The following EFHC2 variants were observed in gnomAD, a reference collection of about 807,000 sequenced individuals.
EFHC2 encodes the protein EF-hand domain-containing family member C2.
A neutral mutation model predicts 52.7 loss-of-function variants in EFHC2; 18 were observed. That is an observed-to-expected ratio of 0.34 (90% CI 0.24 to 0.51). EFHC2 has a LOEUF of 0.51. EFHC2 is among the 20% of genes least tolerant of loss of function. The pLI is 0.97. For missense variants in EFHC2, 513 were observed against 562.5 expected, an observed-to-expected ratio of 0.91 and a Z score of 0.89; for synonymous variants, 203 against 204.1, an observed-to-expected ratio of 0.99 and a Z score of 0.04.
At chrX:44,270,041 C>T (rs946720910) in intron 3 of EFHC2, among the ~76,000 whole-genome samples, 4 of 111,711 alleles carry the variant, frequency 3.6e-5, no homozygotes, top group African/African-American at 1.3e-4. Flanking sequence ...GGACACTCAG[C>T]ATTTCTAGCC....
intron 13 of EFHC2, among the ~76,000 whole-genome samples, chrX:44,164,848 G>A (rs1175124298): frequency 3.6e-5 from 4 of 111,455 alleles, no homozygotes; most frequent in African/African-American, 1.3e-4. Flanking sequence ...GAAAAATATA[G>A]GTCAAAATAA....
intron 2 of EFHC2, among the ~76,000 whole-genome samples, chrX:44,282,858 G>A (rs747187978): frequency 2.7e-5 from 3 of 110,314 alleles, no homozygotes; most frequent in Admixed American, 9.6e-5. Context: ...GGGTAGACAC[G>A]TGGCTGGGCA....
At chrX:44,264,956 T>C (rs182815233) in intron 3 of EFHC2, among the ~76,000 whole-genome samples, 88 of 111,801 alleles carry the variant, frequency 7.9e-4, no homozygotes, top group Non-Finnish European at 1.2e-3. Context: ...ATTTGCCCTT[T>C]AAATTTTCAG....
rs770124927 is a variant in EFHC2, at chrX:44,322,374, A to G, written c.43-9618T>C. 8.0e-5 allele frequency among the ~76,000 whole-genome samples: 9 copies of G among 112,665 alleles called. No homozygotes were observed. The East Asian group carries it at 8.4e-4, about 10-fold the overall frequency. ...TGAGCATCTATCGAATGAATAGAAC[A>G]TAAGCTGTGGATTATTTTCAAACAA... On this transcript the variant is annotated intron_variant, in intron 1 of 14. Transcript: ENST00000420999.
At chrX:44,276,617 C>T (rs2037659976) in intron 2 of EFHC2, among the ~76,000 whole-genome samples, 1 of 112,097 alleles carries the variant, frequency 8.9e-6, no homozygotes, top group Non-Finnish European at 1.9e-5. Context: ...GTAGTTCTAA[C>T]TTGATATATG....
At chrX:44,149,860 G>C in intron 14 of EFHC2, among the ~76,000 whole-genome samples, 1 of 112,163 alleles carries the variant, frequency 8.9e-6, no homozygotes, top group Non-Finnish European at 1.9e-5. Context: ...CTGGCTGATT[G>C]GTTACTGTTT....
At chrX:44,188,394 T>G (rs546082518) in intron 11 of EFHC2, among the ~76,000 whole-genome samples, 5 of 112,131 alleles carry the variant, frequency 4.5e-5, no homozygotes, top group South Asian at 3.8e-4. Flanking sequence ...TAAGAAATAT[T>G]TCTTCTATTG....
intron 1 of EFHC2, among the ~76,000 whole-genome samples, chrX:44,323,912 GACAT>G (rs1362577732): frequency 9.0e-6 from 1 of 111,323 alleles, no homozygotes; most frequent in Non-Finnish European, 1.9e-5. Flanking sequence ...TTCATTCCTG[GACAT>G]AGGCCAAACC....
intron 2 of EFHC2, chrX:44,285,228 C>A (rs899279679): frequency 9.0e-6 from 1 of 111,623 alleles, no homozygotes; most frequent in African/African-American, 3.3e-5. Context: ...GATTATTCCA[C>A]CAGTTTTCCA....
intron 1 of EFHC2, among the ~76,000 whole-genome samples, chrX:44,322,137 C>T (rs958121701): frequency 2.8e-5 from 3 of 107,927 alleles, no homozygotes; most frequent in Non-Finnish European, 5.7e-5. Context: ...AAATAATACA[C>T]GTGCTCCTTG....
At chrX:44,339,708 T>C (rs1163890273) in intron 1 of EFHC2, among the ~76,000 whole-genome samples, 2 of 110,003 alleles carry the variant, frequency 1.8e-5, no homozygotes, top group Non-Finnish European at 3.8e-5. Context: ...AATTATGCTA[T>C]CTACAGGAGG....
intron 11 of EFHC2, among the ~76,000 whole-genome samples, chrX:44,208,367 T>G (rs1331963728): frequency 8.9e-6 from 1 of 112,169 alleles, no homozygotes; most frequent in Non-Finnish European, 1.9e-5. Context: ...GGCCATTATC[T>G]TAAGTGAATT....
At chrX:44,249,792 G>A (rs898533962) in intron 5 of EFHC2, among the ~76,000 whole-genome samples, 1 of 112,391 alleles carries the variant, frequency 8.9e-6, no homozygotes, top group African/African-American at 3.2e-5. Context: ...ACATGTAGGT[G>A]CACGTGTATA....
chrX:44,300,039 A>T (rs1221482448), intron 2 of EFHC2, among the ~76,000 whole-genome samples: 1 of 111,971 alleles, frequency 8.9e-6, no homozygotes, highest in Admixed American at 9.5e-5. Flanking sequence ...TGAGTTTACC[A>T]TAGGGCAGAG....
intron 1 of EFHC2, among the ~76,000 whole-genome samples, chrX:44,318,987 T>G (rs781666653): frequency 1.9e-5 from 2 of 105,996 alleles, no homozygotes; most frequent in Non-Finnish European, 3.9e-5. Context: ...AGGGGGAAGG[T>G]CTGAAGGCAA....
At chrX:44,155,830 T>C (rs1437716106) in intron 14 of EFHC2, among the ~76,000 whole-genome samples, 1 of 112,600 alleles carries the variant, frequency 8.9e-6, no homozygotes, top group Non-Finnish European at 1.9e-5. Context: ...GCAAATCAAA[T>C]TGAAATAAAT....
intron 11 of EFHC2, among the ~76,000 whole-genome samples, chrX:44,223,790 G>A (rs2037211729): frequency 8.9e-6 from 1 of 112,234 alleles, no homozygotes; most frequent in Non-Finnish European, 1.9e-5. Flanking sequence ...CTATGTTTGA[G>A]TGCTTTGGGA....
At chrX:44,164,283 T>A (rs1602128993) in intron 13 of EFHC2, among the ~76,000 whole-genome samples, 1 of 112,245 alleles carries the variant, frequency 8.9e-6, no homozygotes, top group South Asian at 3.7e-4. Flanking sequence ...AATAAATACT[T>A]GTTGTAGTTG....
intron 2 of EFHC2, among the ~76,000 whole-genome samples, chrX:44,279,805 A>G (rs1431768768): frequency 1.8e-5 from 2 of 111,086 alleles, no homozygotes; most frequent in Non-Finnish European, 3.8e-5. Context: ...AAAGAAAATT[A>G]CCAAATTATA....
Sources: gnomAD v4.1 joint callset for allele counts (sites outside exome capture counted in the v4.1 genomes callset) on GRCh38, gnomAD v4.1.1 for gene constraint, MANE v1.5 for transcripts, NCBI Gene and HGNC (gene_info 2026-07-23, HGNC 2026-07-21) for gene names.